CARD10: variants seen among roughly 807,000 people sequenced by gnomAD.
CARD10 encodes caspase recruitment domain family member 10.
A neutral mutation model predicts 114.6 loss-of-function variants in CARD10; 49 were observed. That is an observed-to-expected ratio of 0.43 (90% CI 0.34 to 0.54). The LOEUF is 0.54. Among genes scored for constraint, CARD10 ranks in the 20% least tolerant of loss-of-function variants. The pLI is 0.03. For missense variants in CARD10, 1,206 were observed against 1,397.2 expected, an observed-to-expected ratio of 0.86 and a Z score of 2.18; for synonymous variants, 602 against 593.2, an observed-to-expected ratio of 1.01 and a Z score of -0.21.
intron 9 of CARD10, among the ~76,000 whole-genome samples, chr22:37,503,727 G>A (rs900140813): frequency 5.3e-5 from 8 of 152,134 alleles, no homozygotes; most frequent in Non-Finnish European, 7.4e-5. Flanking sequence ...GACAAGGATC[G>A]CGCCCCAGGA....
At chr22:37,503,989 G>A (rs3817800) in intron 9 of CARD10, 197 bp downstream of exon 9, 82,461 of 709,986 alleles carry the variant, frequency 0.12, 5,764 homozygotes, top group East Asian at 0.27. Context: ...TCTGCCCATC[G>A]GCCTTATCTT....
chr22:37,505,910 C>T (rs1923388692), intron 7 of CARD10, among the ~76,000 whole-genome samples: 1 of 152,142 alleles, frequency 6.6e-6, no homozygotes, highest in Non-Finnish European at 1.5e-5. Context: ...GCCAGCCTTC[C>T]CCAGTTAAAT....
At chr22:37,494,841 G>T (rs996013856) in intron 15 of CARD10, among the ~76,000 whole-genome samples, 3 of 152,208 alleles carry the variant, frequency 2.0e-5, no homozygotes, top group African/African-American at 7.2e-5. Context: ...CCTGGCTGGG[G>T]CCCTCGCTCT....
chr22:37,517,799 A>T (rs1456564773), intron 2 of CARD10, among the ~76,000 whole-genome samples, 172 bp downstream of exon 2: 3 of 152,328 alleles, frequency 2.0e-5, no homozygotes, highest in Admixed American at 1.3e-4. Context: ...ACTAGCACCC[A>T]GCCCCACCCT....
chr22:37,516,551 G>A (rs748225784), intron 2 of CARD10, among the ~76,000 whole-genome samples: 2 of 152,136 alleles, frequency 1.3e-5, no homozygotes, highest in Non-Finnish European at 2.9e-5. Flanking sequence ...AAGTTAATAA[G>A]CAACAGAGTG....
intron 11 of CARD10, 162 bp from the exon 12 acceptor site, chr22:37,497,340 G>A (rs1923042341): frequency 4.4e-6 from 3 of 687,474 alleles, no homozygotes; most frequent in Admixed American, 6.3e-5. Context: ...TCTCCACCTG[G>A]GAAATGCTGA....
chr22:37,513,151 C>T (rs1350304212), intron 3 of CARD10, among the ~76,000 whole-genome samples: 1 of 152,060 alleles, frequency 6.6e-6, no homozygotes, highest in African/African-American at 2.4e-5. Context: ...CGCTGTGTCG[C>T]CCAAGCTGGA....
At chr22:37,512,990 C>T (rs911086537) in intron 3 of CARD10, among the ~76,000 whole-genome samples, 4 of 152,192 alleles carry the variant, frequency 2.6e-5, no homozygotes, top group Admixed American at 6.5e-5. Flanking sequence ...AAGCCAGGCA[C>T]GATCAGGTGC....
Position 37,496,113 on chromosome 22 carries a change from C to T in CARD10, c.2060-110G>A. On this transcript the variant is annotated intron_variant, in intron 13 of 19. Coordinates refer to ENST00000251973, the MANE Select transcript of CARD10 (RefSeq NM_014550.4). This position sits in a 1 kb window ranked among gnomAD's most constrained non-coding sequence, Gnocchi z 4.1. ...ATGGCCCTCTCGAGGCCTGAGTTCC[C>T]AGGACCCGACCTTCACCTTCTTAGA... The T allele has an allele frequency of 7.2e-7, 1 of 1,381,586 alleles. No individual in the cohort carries two copies. The allele number at this position is 1,381,586 out of a possible 1,614,324, so 85.6% of individuals were successfully genotyped here.
In CARD10 at chr22:37,519,363, C is replaced by A; in HGVS notation, c.-163G>T. 2 of 1,230,960 alleles carry A rather than the reference C, an allele frequency of 1.6e-6. No individual in the cohort carries two copies. Among genetic ancestry groups the A allele is most frequent in the Non-Finnish European group, 2.0e-6 (2 of 987,448 alleles). The allele number at this position is 1,230,960 out of a possible 1,614,324, so 76.3% of individuals were successfully genotyped here. ...CTCACCCCGCACGCTACAGTCGCCT[C>A]GGGCTCCCGGGTCCGCACTCGGGCG... On this transcript the variant is annotated 5_prime_UTR_variant, in exon 1 of 20. Transcript: ENST00000251973. This position sits in a 1 kb window ranked among gnomAD's most constrained non-coding sequence, Gnocchi z 4.1.
rs1234168855 is a variant in CARD10, at chr22:37,510,020, C to T, written c.909+192G>A. Among the ~76,000 whole-genome samples, 6 of 96,956 alleles carry T rather than the reference C, an allele frequency of 6.2e-5. No homozygotes were observed. The Admixed American group carries it at 6.4e-4, about 10-fold the overall frequency. The allele number at this position is 96,956 out of a possible 152,430, so 63.6% of individuals were successfully genotyped here. ...ACCCCCCACCCCCGTGCCCATGGGC[C>T]CCAGCCCTGGTACCTGCTGCAGGCC... On this transcript the variant is annotated intron_variant, in intron 4 of 19. Coordinates refer to ENST00000251973, the MANE Select transcript of CARD10 (RefSeq NM_014550.4).
Position 37,494,208 on chromosome 22 carries a change from G to A in CARD10, c.2374-20C>T, listed in dbSNP as rs761115453. ...CTTCAGCTGGGAGGGTGCAGGGACA[G>A]AGGAGCATCTGAGAGCTCAGCCCCG... On this transcript the variant is annotated intron_variant, in intron 15 of 19. Coordinates refer to ENST00000251973, the MANE Select transcript of CARD10 (RefSeq NM_014550.4). 2.8e-5 allele frequency: 43 copies of A among 1,515,688 alleles called. No individual in the cohort carries two copies. Among genetic ancestry groups the A allele is most frequent in the Admixed American group, 7.9e-5 (4 of 50,780 alleles). The allele number at this position is 1,515,688 out of a possible 1,614,324, so 93.9% of individuals were successfully genotyped here.
chr22:37,516,193 C>G lies in CARD10; in HGVS notation c.479G>C (p.Arg160Pro). The G allele has an allele frequency of 6.3e-7, 1 of 1,593,568 alleles. No homozygotes were observed. Among genetic ancestry groups the G allele is most frequent in the Non-Finnish European group, 8.5e-7 (1 of 1,171,028 alleles). Reference protein sequence around the residue: ...QLQREQQLQARGRVLEEERAG... With the variant: ...QLQREQQLQAPGRVLEEERAG... ...CCGCTCCTCCTCGAGCACCCGGCCCCGGGCCTGCAGTTGCTGCTCCCGCTG... is the reference window on the plus strand; with the variant it reads ...CCGCTCCTCCTCGAGCACCCGGCCCGGGGCCTGCAGTTGCTGCTCCCGCTG... Residue 160 changes from arginine to proline, a missense_variant, in exon 3 of 20, where the codon CGG (arginine) becomes CCG (proline). Physicochemically the swap from Arg to Pro is moderately radical, Grantham distance 103 (BLOSUM62 -2). Transcript: ENST00000251973.
chr22:37,519,018 G>A lies in CARD10; in HGVS notation c.183C>T (p.Asp61=), dbSNP rs769217431. 1.3e-6 allele frequency: 2 copies of A among 1,593,272 alleles called. No homozygotes were observed. Among genetic ancestry groups the A allele is most frequent in the Non-Finnish European group, 1.7e-6 (2 of 1,176,216 alleles). ...LRQCRVIDEQ[D]EEEVLSTYRF... is the part of the protein sequence containing the mutation. ...GGTAGGTGCTCAGCACCTCCTCCTC[G>A]TCCTGCTCGTCGATGACCCGGCACT... is the stretch of plus-strand genomic sequence containing the variant. Residue 61 remains aspartate (D), a synonymous_variant, in exon 1 of 20, where the codon GAC becomes GAT. Coordinates refer to ENST00000251973, the MANE Select transcript of CARD10 (RefSeq NM_014550.4). This position sits in a 1 kb window ranked among gnomAD's most constrained non-coding sequence, Gnocchi z 4.1.
At chr22:37,506,148 C>G in intron 7 of CARD10, 44 bp downstream of exon 7, 1 of 1,405,480 alleles carries the variant, frequency 7.1e-7, no homozygotes, top group Non-Finnish European at 9.4e-7. Flanking sequence ...CCTGCCAGGA[C>G]CCCAGCCTTC....
In CARD10 at chr22:37,508,673, G is replaced by T; in HGVS notation, c.919C>A (p.Arg307=). ...CGCTCGGAGCCCGGGGCCCCCGGCCGGCTCGCCTCCTGGGGATCACAGGGC... is the reference window on the plus strand; with the variant it reads ...CGCTCGGAGCCCGGGGCCCCCGGCCTGCTCGCCTCCTGGGGATCACAGGGC... ...LQEGLQQEAS[R]PGAPGSERIL... The change falls in exon 5 of 20, where the codon CGG becomes AGG. Residue 307 remains arginine (R), a synonymous_variant. Coordinates refer to ENST00000251973, the MANE Select transcript of CARD10 (RefSeq NM_014550.4). The T allele has an allele frequency of 6.4e-7, 1 of 1,563,554 alleles. No homozygotes were observed.
rs570322986 is a variant in CARD10, at chr22:37,494,479, G to C, written c.2374-291C>G. The C allele has an allele frequency of 1.5e-5, 7 of 472,052 alleles. No homozygotes were observed. The South Asian group carries it at 2.2e-4, about 15-fold the overall frequency. The allele number at this position is 472,052 out of a possible 1,614,324, so 29.2% of individuals were successfully genotyped here. A position where few individuals can be genotyped will look rare whatever the true frequency, so the allele number is the denominator to read the frequency against. On this transcript the variant is annotated intron_variant, in intron 15 of 19. Transcript: ENST00000251973. ...GGTATACCCCCCAAGCTACAGATGG[G>C]GAGACTGAGGCCCAGAGACCAAGAG...
At chr22:37,509,222 T>A in intron 4 of CARD10, 1 of 1,300,146 alleles carries the variant, frequency 7.7e-7, no homozygotes, top group Non-Finnish European at 1.0e-6. Context: ...GGCAGGCCCA[T>A]GCAGCTGCTG....
In CARD10 at chr22:37,495,860, C is replaced by T. The variant is rs146267364; in HGVS notation, c.2203G>A (p.Val735Met). ...TGCCTCCGCTTGTATGCCGAGTCCA[C>T]CAGTCGAAGGATCTCTTGGGCTTTC... ...CVKAQEILRL[V>M]DSAYKRRQEW... Residue 735 changes from valine to methionine, a missense_variant, in exon 14 of 20, where the codon GTG (valine) becomes ATG (methionine). By Grantham distance (21) the Val-to-Met change is conservative. Transcript: ENST00000251973. 1.2e-6 allele frequency: 2 copies of T among 1,614,042 alleles called. No homozygotes were observed. Among genetic ancestry groups the T allele is most frequent in the African/African-American group, 2.7e-5 (2 of 74,956 alleles).
Sources: gnomAD v4.1 joint callset for allele counts (sites outside exome capture counted in the v4.1 genomes callset) on GRCh38, gnomAD v4.1.1 for gene constraint, Gnocchi (gnomAD v3.1) non-coding constraint, MANE v1.5 for transcripts, NCBI Gene and HGNC (gene_info 2026-07-23, HGNC 2026-07-21) for gene names.